The following ELF2 variants were observed in gnomAD, a reference collection of about 807,000 sequenced individuals.
The protein encoded by ELF2 is ETS-related transcription factor Elf-2.
Under a neutral mutation model 54.8 loss-of-function variants are expected in ELF2, and 11 were observed. That is an observed-to-expected ratio of 0.20 (90% CI 0.13 to 0.33). The LOEUF (loss-of-function observed/expected upper bound fraction) is 0.33. Among genes scored for constraint, ELF2 ranks in the 10% least tolerant of loss-of-function variants. The pLI, the probability that ELF2 is intolerant of heterozygous loss-of-function variation, is 1.00. For synonymous variants in ELF2, 203 were observed against 245.1 expected (o/e 0.83, Z 1.61); for missense variants, 513 against 703.0 (o/e 0.73, Z 3.06).
chr4:139,162,009 G>A (rs1264687314), intron 1 of ELF2, among the ~76,000 whole-genome samples: 1 of 152,082 alleles, frequency 6.6e-6, no homozygotes, highest in African/African-American at 2.4e-5. Context: ...CAGGAGAATC[G>A]CTTGAACCCG....
rs938703551 is a variant in ELF2 at position 139,072,223 on chromosome 4, G to A, written c.353-184C>T. The A allele has an allele frequency of 7.0e-6, 4 of 567,422 alleles. No individual in the cohort carries two copies. The African/African-American group carries it at 7.9e-5, about 11-fold the overall frequency. 35.1% of individuals were successfully genotyped at this position (567,422 alleles called of 1,614,324 possible). A position where few individuals can be genotyped will look rare whatever the true frequency, so the allele number is the denominator to read the frequency against. On this transcript the variant is annotated intron_variant, in intron 5 of 9. Coordinates refer to ENST00000686138, the MANE Select transcript of ELF2 (RefSeq NM_001331036.3). The stretch of plus-strand genomic sequence containing the variant: ...TTTAAACTACATAAGGAAAATAAAT[G>A]CATGGAAAATCAACTTAAAGGAAAA...
intron 4 of ELF2, among the ~76,000 whole-genome samples, chr4:139,087,050 CTTCT>C (rs1458629303): frequency 6.6e-6 from 1 of 152,112 alleles, no homozygotes; most frequent in African/African-American, 2.4e-5. Context: ...CCATGAAAAT[CTTCT>C]GACAAGGGTC....
At chr4:139,062,174 C>CTTTT in intron 7 of ELF2, 117 bp from the exon 8 acceptor site, 20 of 892,054 alleles carry the variant, frequency 2.2e-5, no homozygotes, top group South Asian at 5.8e-5. Context: ...CTTGTTTCTA[C>CTTTT]TTTTTTTTTT....
chr4:139,072,714 T>C (rs1269010818), intron 5 of ELF2, among the ~76,000 whole-genome samples: 1 of 152,184 alleles, frequency 6.6e-6, no homozygotes, highest in Non-Finnish European at 1.5e-5. Flanking sequence ...AGATATGACA[T>C]TTCTATTTCA....
intron 1 of ELF2, among the ~76,000 whole-genome samples, chr4:139,158,600 T>G (rs1443304535): frequency 6.6e-6 from 1 of 152,154 alleles, no homozygotes; most frequent in Non-Finnish European, 1.5e-5. Context: ...AGGGAACATT[T>G]GTCATATAGA....
intron 4 of ELF2, among the ~76,000 whole-genome samples, chr4:139,109,950 G>A (rs1222461994): frequency 3.3e-5 from 5 of 152,078 alleles, no homozygotes; most frequent in African/African-American, 4.8e-5. Flanking sequence ...GTATACTCTC[G>A]TAACAAACCT....
At chr4:139,125,356 C>A in intron 3 of ELF2, 27 bp from the exon 4 acceptor site, 2 of 1,601,320 alleles carry the variant, frequency 1.2e-6, no homozygotes, top group South Asian at 2.3e-5. Flanking sequence ...AAAGAACAAT[C>A]AACCTTTGTA....
intron 4 of ELF2, among the ~76,000 whole-genome samples, chr4:139,082,803 A>G (rs948245659): frequency 6.6e-6 from 1 of 152,220 alleles, no homozygotes; most frequent in Non-Finnish European, 1.5e-5. Context: ...AGGAACATGT[A>G]TGCTTACTAT....
intron 4 of ELF2, among the ~76,000 whole-genome samples, chr4:139,091,329 C>G (rs1732551930): frequency 6.6e-6 from 1 of 152,042 alleles, no homozygotes; most frequent in Non-Finnish European, 1.5e-5. Flanking sequence ...TGCAACATGT[C>G]AAACTGTGTG....
chr4:139,090,922 G>A (rs1391666113), intron 4 of ELF2, among the ~76,000 whole-genome samples: 2 of 149,618 alleles, frequency 1.3e-5, no homozygotes, highest in Non-Finnish European at 2.9e-5. Flanking sequence ...GGTTTGTTTT[G>A]TTTTGTTTTG....
At chr4:139,174,206 T>TAAAAAAAAAAA (rs1222397912) in intron 1 of ELF2, among the ~76,000 whole-genome samples, 10 of 93,908 alleles carry the variant, frequency 1.1e-4, no homozygotes, top group South Asian at 3.1e-4. Context: ...GACTCCATCT[T>TAAAAAAAAAAA]AAAAAAAAAA....
chr4:139,115,370 G>C (rs1238927071), intron 4 of ELF2: 1 of 1,078,830 alleles, frequency 9.3e-7, no homozygotes, highest in East Asian at 6.2e-5. Flanking sequence ...GCCGCTGTCC[G>C]CCATGGCGGC....
intron 3 of ELF2, among the ~76,000 whole-genome samples, chr4:139,131,966 C>T (rs1737532837): frequency 1.3e-5 from 2 of 152,002 alleles, no homozygotes; most frequent in South Asian, 4.1e-4. Context: ...GGAAAATGAG[C>T]CATAGAATAG....
At chr4:139,176,439 C>G (rs1170020215) in intron 1 of ELF2, among the ~76,000 whole-genome samples, 2 of 151,994 alleles carry the variant, frequency 1.3e-5, no homozygotes, top group Non-Finnish European at 2.9e-5. Context: ...CCGGAGCCTC[C>G]CAGGTCCCGC....
chr4:139,141,802 T>C (rs766815553), intron 1 of ELF2, among the ~76,000 whole-genome samples: 8 of 152,248 alleles, frequency 5.3e-5, no homozygotes, highest in Admixed American at 1.3e-4. Flanking sequence ...CCTTTTCTCT[T>C]CAGATTCTTT....
At chr4:139,084,102 A>G in intron 4 of ELF2, 1 of 1,612,832 alleles carries the variant, frequency 6.2e-7, no homozygotes, top group East Asian at 2.2e-5. Context: ...TGCTGCACCG[A>G]TGCACGGGAG....
chr4:139,064,055 T>C (rs1728294279), intron 7 of ELF2, among the ~76,000 whole-genome samples: 1 of 152,224 alleles, frequency 6.6e-6, no homozygotes, highest in Non-Finnish European at 1.5e-5. Flanking sequence ...ACGCCTGTAA[T>C]CCCAGCATTT....
At chr4:139,076,528 CTT>C (rs1185411872) in intron 4 of ELF2, among the ~76,000 whole-genome samples, 3 of 151,660 alleles carry the variant, frequency 2.0e-5, no homozygotes, top group South Asian at 2.1e-4. Context: ...CAATTTAGCT[CTT>C]GTCTTAGGTG....
chr4:139,094,362 C>G (rs1733013628), intron 4 of ELF2, among the ~76,000 whole-genome samples: 1 of 152,092 alleles, frequency 6.6e-6, no homozygotes, highest in Non-Finnish European at 1.5e-5. Flanking sequence ...CATAACCAGC[C>G]CGTAAGTCTG....
Sources: gnomAD v4.1 joint callset for allele counts (sites outside exome capture counted in the v4.1 genomes callset) on GRCh38, gnomAD v4.1.1 for gene constraint, MANE v1.5 for transcripts, NCBI Gene and HGNC (gene_info 2026-07-23, HGNC 2026-07-21) for gene names.